The following LRIG1 variants were observed in gnomAD, a reference collection of about 807,000 sequenced individuals.
LRIG1 encodes the protein leucine rich repeats and immunoglobulin like domains 1.
A neutral mutation model predicts 99.2 loss-of-function variants in LRIG1; 48 were observed. That is an observed-to-expected ratio of 0.48 (90% confidence interval 0.38 to 0.62). The LOEUF (loss-of-function observed/expected upper bound fraction) is 0.62, where lower values mean the gene tolerates loss of function less well. LRIG1 is among the 20% of genes least tolerant of loss of function. LRIG1 has a pLI of 0.00. For synonymous variants in LRIG1, 772 were observed against 596.1 expected (o/e 1.29, Z -4.30); for missense variants, 1,646 against 1,434.4 (o/e 1.15, Z -2.38).
chr3:66,495,633 C>T, intron 1 of LRIG1, among the ~76,000 whole-genome samples: 1 of 152,154 alleles, frequency 6.6e-6, no homozygotes, highest in Non-Finnish European at 1.5e-5. Flanking sequence ...TCAATGAATC[C>T]CTCTTCTAGA....
chr3:66,421,668 G>A (rs990728429), intron 3 of LRIG1, among the ~76,000 whole-genome samples: 2 of 152,168 alleles, frequency 1.3e-5, no homozygotes, highest in Non-Finnish European at 2.9e-5. Flanking sequence ...ACCATTCTGG[G>A]GTCTAGAGGA....
Position 66,488,706 on chromosome 3 carries a change from C to T in LRIG1, c.218+11484G>A, listed in dbSNP as rs373221442. ...GAGTTTCTATCTTGAAAGGGATACA[C>T]GAAAGATCTCCCTGGTAAAAGGGAT... On this transcript the variant is annotated intron_variant, in intron 1 of 18. Coordinates refer to ENST00000273261, the MANE Select transcript of LRIG1 (RefSeq NM_015541.3). Among the ~76,000 whole-genome samples, 10 of 152,244 alleles carry T rather than the reference C, an allele frequency of 6.6e-5. No homozygotes were observed. In the East Asian group the frequency reaches 1.2e-3, roughly 18 times the overall value.
intron 1 of LRIG1, among the ~76,000 whole-genome samples, chr3:66,465,159 T>C (rs1292831732): frequency 6.6e-6 from 1 of 152,154 alleles, no homozygotes; most frequent in Non-Finnish European, 1.5e-5. Flanking sequence ...CTTTCTGCTG[T>C]GGACAAGGGG....
chr3:66,467,688 C>A (rs1700506452), intron 1 of LRIG1, among the ~76,000 whole-genome samples: 1 of 152,266 alleles, frequency 6.6e-6, no homozygotes, highest in Non-Finnish European at 1.5e-5. Context: ...AAGTGTTCAA[C>A]AGTACCACGT....
rs751513776 is a variant in LRIG1, at chr3:66,414,934, G to A, written c.633C>T (p.Pro211=). The A allele has an allele frequency of 6.2e-7, 1 of 1,607,256 alleles. No individual in the cohort carries two copies. Among genetic ancestry groups the A allele is most frequent in the East Asian group, 2.2e-5 (1 of 44,710 alleles). ...TCTGTACTCACAGTTGTGTCAGCCT[G>A]GGTAGCTTGAATGCTCTTACAGGAA... ...TQLPVRAFKL[P]RLTQLDLNRN... The change falls in exon 5 of 19, where the codon CCC becomes CCT. Residue 211 remains proline (P), a synonymous_variant. Transcript: ENST00000273261.
intron 1 of LRIG1, among the ~76,000 whole-genome samples, chr3:66,497,444 G>A (rs906058582): frequency 2.6e-5 from 4 of 152,090 alleles, no homozygotes; most frequent in African/African-American, 9.7e-5. Flanking sequence ...GCTTGGCAGT[G>A]GCTTGGTGCT....
chr3:66,394,772 TTTC>T (rs1425790180), intron 11 of LRIG1, among the ~76,000 whole-genome samples: 1 of 152,114 alleles, frequency 6.6e-6, no homozygotes, highest in Non-Finnish European at 1.5e-5. Flanking sequence ...AGCTGCATGT[TTTC>T]TTACTTCCAA....
Position 66,483,627 on chromosome 3 carries a change from G to A in LRIG1, c.218+16563C>T, listed in dbSNP as rs1359880748. On this transcript the variant is annotated intron_variant, in intron 1 of 18. Transcript: ENST00000273261. ...AAGCAACCGAAACCAGCTGCCTGGC[G>A]AGGGCTCAGCATAAACTGAGCAGAA... 2.6e-5 allele frequency among the ~76,000 whole-genome samples: 4 copies of A among 152,320 alleles called. No homozygotes were observed. The East Asian group carries it at 7.7e-4, about 29-fold the overall frequency.
chr3:66,485,344 T>C (rs1394578252), intron 1 of LRIG1, among the ~76,000 whole-genome samples: 2 of 152,042 alleles, frequency 1.3e-5, no homozygotes, highest in Non-Finnish European at 2.9e-5. Context: ...ATGCCAAAGA[T>C]TTCAGGCGGT....
At chr3:66,400,166 G>GT (rs1199368047) in intron 9 of LRIG1, among the ~76,000 whole-genome samples, 8 of 152,234 alleles carry the variant, frequency 5.3e-5, no homozygotes, top group African/African-American at 1.4e-4. Flanking sequence ...AGTTCTCCCA[G>GT]AAACCAAAGT....
intron 3 of LRIG1, among the ~76,000 whole-genome samples, chr3:66,436,755 T>C (rs1703373646): frequency 6.6e-6 from 1 of 152,204 alleles, no homozygotes; most frequent in Non-Finnish European, 1.5e-5. Flanking sequence ...CACTCTCTAC[T>C]GCCAGGGGAA....
In LRIG1 at chr3:66,398,196, A is replaced by G. The variant is rs895541603; in HGVS notation, c.1233-13T>C. 5.0e-6 allele frequency: 8 copies of G among 1,609,950 alleles called. No individual in the cohort carries two copies. The African/African-American group carries it at 1.1e-4, about 22-fold the overall frequency. On this transcript the variant is annotated splice_polypyrimidine_tract_variant and intron_variant, in intron 10 of 18. Transcript: ENST00000273261. Reference sequence around the variant, plus strand: ...CCCTCCAAGGTTCCTGAAACAGAACATACATTACTTATGCAAAGAAACCCT... The same window carrying G: ...CCCTCCAAGGTTCCTGAAACAGAACGTACATTACTTATGCAAAGAAACCCT...
At chr3:66,391,492 T>A (rs949428165) in intron 12 of LRIG1, among the ~76,000 whole-genome samples, 1 of 152,174 alleles carries the variant, frequency 6.6e-6, no homozygotes, top group Admixed American at 6.5e-5. Flanking sequence ...TGCTTAAAAA[T>A]TATGCTAAGT....
chr3:66,474,283 T>G (rs1046963899), intron 1 of LRIG1, among the ~76,000 whole-genome samples: 5 of 152,122 alleles, frequency 3.3e-5, no homozygotes, highest in African/African-American at 1.2e-4. Context: ...TTTCTTTTTT[T>G]TAAATCATTC....
chr3:66,405,664 G>A (rs1030955206), intron 8 of LRIG1: 1 of 1,026,652 alleles, frequency 9.7e-7, no homozygotes, highest in Non-Finnish European at 1.2e-6. Context: ...ACCAACCAGA[G>A]TCCCTTTTCT....
intron 1 of LRIG1, among the ~76,000 whole-genome samples, chr3:66,478,255 T>C (rs750003360): frequency 2.0e-5 from 3 of 152,216 alleles, no homozygotes; most frequent in Non-Finnish European, 4.4e-5. Context: ...TGCATGTAGG[T>C]GGTCCTGAAA....
chr3:66,428,286 T>C (rs1380303662), intron 3 of LRIG1, among the ~76,000 whole-genome samples: 1 of 152,196 alleles, frequency 6.6e-6, no homozygotes, highest in African/African-American at 2.4e-5. Context: ...TAGCTCCAAG[T>C]GCCCTGTTTC....
chr3:66,434,905 A>G (rs1279190441), intron 3 of LRIG1, among the ~76,000 whole-genome samples: 2 of 152,190 alleles, frequency 1.3e-5, no homozygotes, highest in East Asian at 3.8e-4. Context: ...TGCAACTCCC[A>G]TATGACCTGT....
At chr3:66,492,386 AG>A (rs1384944252) in intron 1 of LRIG1, among the ~76,000 whole-genome samples, 3 of 152,236 alleles carry the variant, frequency 2.0e-5, no homozygotes, top group Non-Finnish European at 4.4e-5. Context: ...TGCTGCATAA[AG>A]GAGTCTTAGA....
Sources: gnomAD v4.1 joint callset for allele counts (sites outside exome capture counted in the v4.1 genomes callset) on GRCh38, gnomAD v4.1.1 for gene constraint, MANE v1.5 for transcripts, NCBI Gene and HGNC (gene_info 2026-07-23, HGNC 2026-07-21) for gene names.